CDHR2: variants seen among roughly 807,000 people sequenced by gnomAD.
CDHR2 encodes the protein cadherin-related family member 2.
Under a neutral mutation model 138.6 loss-of-function variants are expected in CDHR2, and 104 were observed. The ratio of observed to expected loss-of-function variants is 0.75; its 90% confidence interval spans 0.64 to 0.88. The LOEUF (loss-of-function observed/expected upper bound fraction) is 0.88. Among genes scored for constraint, CDHR2 ranks in the 40% least tolerant of loss-of-function variants. The probability of loss-of-function intolerance (pLI) is 0.00; values close to 1 mark genes in which losing one functional copy is unlikely to be tolerated. For synonymous variants in CDHR2, 755 were observed against 742.8 expected (o/e 1.02, Z -0.27); for missense variants, 1,624 against 1,727.6 (o/e 0.94, Z 1.06).
rs1281437312 is a variant in CDHR2 at position 176,577,721 on chromosome 5, A to G, written c.1435A>G (p.Thr479Ala). Residue 479 changes from threonine to alanine, a missense_variant, in exon 14 of 32, where the codon ACG becomes GCG. Physicochemically the swap from Thr to Ala is moderately conservative, Grantham distance 58. Around this residue, in one of 3 missense-constraint regions of CDHR2, gnomAD observed 1,061 missense variants for 1,136.6 expected, o/e 0.93. Transcript: ENST00000261944. ...HLRDINDHRP[T>A]FPQSLYVLTV... ...TAGAGACATTAATGACCACAGGCCC[A>G]CGTTTCCCCAGAGCTTGTACGTCCT... 6.2e-7 allele frequency: 1 copy of G among 1,614,220 alleles called. No individual in the cohort carries two copies. Among genetic ancestry groups the G allele is most frequent in the East Asian group, 2.2e-5 (1 of 44,882 alleles).
chr5:176,570,321 G>T (rs919916780), intron 5 of CDHR2, among the ~76,000 whole-genome samples: 3 of 152,124 alleles, frequency 2.0e-5, no homozygotes, highest in Non-Finnish European at 4.4e-5. Flanking sequence ...GCACATTCCC[G>T]TGATAGGACA....
Position 176,581,673 on chromosome 5 carries a change from C to A in CDHR2, c.2058+91C>A. 2.6e-6 allele frequency: 4 copies of A among 1,518,504 alleles called. No individual in the cohort carries two copies. The South Asian group carries it at 3.7e-5, about 14-fold the overall frequency. The allele number at this position is 1,518,504 out of a possible 1,614,324, so 94.1% of individuals were successfully genotyped here. On this transcript the variant is annotated intron_variant, in intron 17 of 31. Transcript: ENST00000261944. ...TGAGTCACACTTCTGCCCTCTGCAGCCAGCCTGCCTGGGTTACAATCCCGC... is the reference window on the plus strand; with the variant it reads ...TGAGTCACACTTCTGCCCTCTGCAGACAGCCTGCCTGGGTTACAATCCCGC...
chr5:176,591,038 GC>G (rs1302363026), intron 28 of CDHR2, among the ~76,000 whole-genome samples, 171 bp from the exon 29 acceptor site: 1 of 152,196 alleles, frequency 6.6e-6, no homozygotes, highest in African/African-American at 2.4e-5. Flanking sequence ...CTTGTCACTG[GC>G]TATTTGACCT....
chr5:176,578,658 C>T (rs1030155539), intron 16 of CDHR2, 50 bp downstream of exon 16: 2 of 1,596,488 alleles, frequency 1.3e-6, no homozygotes, highest in Non-Finnish European at 1.7e-6. Context: ...GGGGACCAAG[C>T]CTGCTCTGTG....
chr5:176,591,149 C>A, intron 28 of CDHR2, 61 bp from the exon 29 acceptor site: 5 of 1,159,620 alleles, frequency 4.3e-6, no homozygotes, highest in Non-Finnish European at 6.4e-6. Context: ...GGCTCAGGGC[C>A]TCCACTGGGG....
Position 176,568,802 on chromosome 5 carries a change from C to A in CDHR2, c.249C>A (p.Ser83Arg). 6.2e-7 allele frequency: 1 copy of A among 1,614,190 alleles called. No homozygotes were observed. Among genetic ancestry groups the A allele is most frequent in the South Asian group, 1.1e-5 (1 of 91,086 alleles). The part of the protein sequence containing the change: ...TPKTGEVKLA[S>R]ALDYETLYTF... ...AAACTGGGGAAGTGAAGCTGGCCAG[C>A]GCTCTGGACTACGAGGTAAAGAGCA... is the stretch of plus-strand genomic sequence containing the variant. The change falls in exon 4 of 32, where the codon AGC becomes AGA. Residue 83 changes from serine to arginine, a missense_variant. Transcript: ENST00000261944.
At chr5:176,546,972 CT>C (rs1757597896), upstream of CDHR2, among the ~76,000 whole-genome samples, 3 of 86,076 alleles carry the variant, frequency 3.5e-5, no homozygotes, top group Admixed American at 5.8e-4. Context: ...GCAAAGTGGT[CT>C]TTTTGGTCTT....
At chr5:176,582,117 C>T (rs1561877632) in intron 17 of CDHR2, among the ~76,000 whole-genome samples, 2 of 152,188 alleles carry the variant, frequency 1.3e-5, no homozygotes, top group Non-Finnish European at 2.9e-5. Context: ...ACCTCCCAGG[C>T]TCAAGCGATC....
At position 176,590,666 on chromosome 5, in the gene CDHR2, C is replaced by T. The variant is rs1346175326; in HGVS notation, c.3518C>T (p.Ala1173Val). 1.2e-6 allele frequency: 2 copies of T among 1,613,454 alleles called. No homozygotes were observed. Among genetic ancestry groups the T allele is most frequent in the Admixed American group, 1.7e-5 (1 of 59,996 alleles). Residue 1173 changes from alanine (A) to valine (V), a missense_variant, in exon 28 of 32, where the codon GCC becomes GTC. Coordinates refer to ENST00000261944, the MANE Select transcript of CDHR2 (RefSeq NM_017675.6). ...LLLVLVIMTM[A>V]FVCVRKSYNR... Reference sequence around the variant, plus strand: ...CTGGTCCTTGTGATCATGACCATGGCCTTCGTGTGTGTGCGGAAGAGGTGC... The same window carrying T: ...CTGGTCCTTGTGATCATGACCATGGTCTTCGTGTGTGTGCGGAAGAGGTGC...
At position 176,595,608 on chromosome 5, in the gene CDHR2, G is replaced by A; in HGVS notation, c.3869G>A (p.Gly1290Asp). 1 of 1,612,878 alleles carries A rather than the reference G, an allele frequency of 6.2e-7. No individual in the cohort carries two copies. Among genetic ancestry groups the A allele is most frequent in the Non-Finnish European group, 8.5e-7 (1 of 1,179,366 alleles). Residue 1290 changes from glycine to aspartate, a missense_variant, in exon 32 of 32, where the codon GGC becomes GAC. By Grantham distance (94) the Gly-to-Asp change is moderately conservative. Around this residue, in one of 3 missense-constraint regions of CDHR2, gnomAD observed 556 missense variants for 565.7 expected, o/e 0.98. Transcript: ENST00000261944. ...LSVVLLGRQA[G>D]ASGQLEGPSY... The stretch of plus-strand genomic sequence containing the variant: ...GTGGTCCTGTTAGGACGGCAGGCAG[G>A]CGCAAGTGGACAGCTGGAGGGGCCA...
At chr5:176,558,277 G>A (rs1244238638) in intron 1 of CDHR2, among the ~76,000 whole-genome samples, 4 of 147,406 alleles carry the variant, frequency 2.7e-5, no homozygotes, top group African/African-American at 7.5e-5. Context: ...GTGCAGTGGC[G>A]CCATCTCGGC....
rs763443033 is a variant in CDHR2 at position 176,577,402 on chromosome 5, A to G, written c.1198A>G (p.Ser400Gly). The G allele has an allele frequency of 6.2e-7, 1 of 1,607,524 alleles. No individual in the cohort carries two copies. The change falls in exon 13 of 32, where the codon AGC becomes GGC. Residue 400 changes from serine (S) to glycine (G), a missense_variant. Physicochemically the swap from Ser to Gly is moderately conservative, Grantham distance 56. Around this residue, in one of 3 missense-constraint regions of CDHR2, gnomAD observed 1,061 missense variants for 1,136.6 expected, o/e 0.93. Transcript: ENST00000261944. ...GCTAGACAGCCCACCTTTACAGGGC[A>G]GCAATGGCACCTTCCTGTTGTCGCT... ...TMVVYDPDKG[S>G]NGTFLLSLGG...
At chr5:176,559,247 T>TA (rs1488382161) in intron 1 of CDHR2, among the ~76,000 whole-genome samples, 1 of 152,206 alleles carries the variant, frequency 6.6e-6, no homozygotes, top group African/African-American at 2.4e-5. Context: ...GAGGAGGAAT[T>TA]AGACTTCCCT....
intron 21 of CDHR2, among the ~76,000 whole-genome samples, chr5:176,588,365 G>T: frequency 6.6e-6 from 1 of 150,464 alleles, no homozygotes; most frequent in African/African-American, 2.5e-5. Context: ...GAGTGTATTT[G>T]TGTGAGTGTG....
chr5:176,581,862 T>C (rs1232336324), intron 17 of CDHR2, among the ~76,000 whole-genome samples: 1 of 152,182 alleles, frequency 6.6e-6, no homozygotes, highest in Non-Finnish European at 1.5e-5. Context: ...CAGCTCTAAT[T>C]GTCACTCATA....
At position 176,554,656 on chromosome 5, in the gene CDHR2, T is replaced by G. The variant is rs114606151; in HGVS notation, c.-16+5242T>G. Among the ~76,000 whole-genome samples, 727 of 152,238 alleles carry G rather than the reference T, an allele frequency of 4.8e-3. 8 individuals carry two copies. Among genetic ancestry groups the G allele is most frequent in the African/African-American group, 0.017 (690 of 41,540 alleles). ...CCAATCTAGAAGGGTTTTTTGTTTT[T>G]GTTTTTGTTTTGTTTTGTTTTGGAG... On this transcript the variant is annotated intron_variant, in intron 1 of 31. Coordinates refer to ENST00000261944, the MANE Select transcript of CDHR2 (RefSeq NM_017675.6).
chr5:176,561,688 G>A lies in CDHR2; in HGVS notation c.-15-3650G>A, dbSNP rs149884475. ...GGAGTCTCGCTCTGTCACCCAGGCT[G>A]GAGTACAGTGGCATGATCTCGACTC... On this transcript the variant is annotated intron_variant, in intron 1 of 31. Transcript: ENST00000261944. 6.3e-3 allele frequency among the ~76,000 whole-genome samples: 924 copies of A among 145,820 alleles called. 16 individuals carry two copies. The highest frequency in any genetic ancestry group is 0.022 in the African/African-American group (882 of 39,274).
chr5:176,564,786 T>TG (rs1758042431), intron 1 of CDHR2, among the ~76,000 whole-genome samples: 4 of 151,810 alleles, frequency 2.6e-5, no homozygotes, highest in African/African-American at 9.7e-5. Context: ...AGCCACTAGA[T>TG]GTATCAGCAG....
At chr5:176,577,055 T>C (rs1178057798) in intron 12 of CDHR2, among the ~76,000 whole-genome samples, 1 of 128,684 alleles carries the variant, frequency 7.8e-6, no homozygotes, top group East Asian at 2.2e-4. Flanking sequence ...GCCAGTGGGG[T>C]GACGTAGGGT....
Sources: gnomAD v4.1 joint callset for allele counts (sites outside exome capture counted in the v4.1 genomes callset) on GRCh38, gnomAD v4.1.1 for gene constraint, gnomAD v4.1.1 regional missense constraint, MANE v1.5 for transcripts, NCBI Gene and HGNC (gene_info 2026-07-23, HGNC 2026-07-21) for gene names.